Variants in GMPR observed in about 807,000 individuals in gnomAD.
GMPR encodes the protein GMP reductase 1.
In GMPR, 31 loss-of-function variants were observed where a neutral mutation model predicts 38.4. The ratio of observed to expected loss-of-function variants is 0.81; its 90% confidence interval spans 0.61 to 1.09. GMPR has a LOEUF of 1.09. Ranked by LOEUF, GMPR falls within the 50% of genes least tolerant of loss-of-function variation. The pLI is 0.00. For missense variants in GMPR, 468 were observed against 453.7 expected, an observed-to-expected ratio of 1.03 and a Z score of -0.29; for synonymous variants, 162 against 173.3, an observed-to-expected ratio of 0.93 and a Z score of 0.51.
At chr6:16,283,771 AAG>A (rs1239365710) in intron 6 of GMPR, among the ~76,000 whole-genome samples, 1 of 152,206 alleles carries the variant, frequency 6.6e-6, no homozygotes, top group African/African-American at 2.4e-5. Flanking sequence ...GAGTGAACAA[AAG>A]AGTGATTTTT....
intron 7 of GMPR, among the ~76,000 whole-genome samples, chr6:16,288,167 C>T (rs1009725514): frequency 2.6e-5 from 4 of 152,250 alleles, no homozygotes; most frequent in African/African-American, 9.6e-5. Context: ...CTTGAGGAGC[C>T]CTTCAGCCCG....
intron 3 of GMPR, among the ~76,000 whole-genome samples, chr6:16,253,495 A>C (rs1330771583): frequency 6.6e-6 from 1 of 152,132 alleles, no homozygotes; most frequent in Non-Finnish European, 1.5e-5. Flanking sequence ...GAGGTCACAC[A>C]CTTTTAATGA....
Position 16,295,012 on chromosome 6 carries a change from T to A in GMPR, c.864T>A (p.Ser288=). Residue 288 remains serine, a synonymous_variant, in exon 9 of 9, where the codon TCT becomes TCA. Coordinates refer to ENST00000259727, the MANE Select transcript of GMPR (RefSeq NM_006877.4). ...HAGGVAEYRA[S]EGKTVEVPYK... is the part of the protein sequence containing the mutation. Reference sequence around the variant, plus strand: ...AACTTCTATCGTCTTCCAGAGCCTCTGAGGGTAAGACTGTGGAAGTTCCTT... The same window carrying A: ...AACTTCTATCGTCTTCCAGAGCCTCAGAGGGTAAGACTGTGGAAGTTCCTT... 4.4e-6 allele frequency: 7 copies of A among 1,607,308 alleles called. No individual in the cohort carries two copies. The highest frequency in any genetic ancestry group is 5.9e-6 in the Non-Finnish European group (7 of 1,176,624).
Position 16,287,805 on chromosome 6 carries a change from C to T in GMPR, c.697+1970C>T, listed in dbSNP as rs139888714. On this transcript the variant is annotated intron_variant, in intron 7 of 8. Coordinates refer to ENST00000259727, the MANE Select transcript of GMPR (RefSeq NM_006877.4). ...AGGTTGCTGCCACTTAGGAAGGTTG[C>T]GTTGTGCTTTGCTTCCCTGAGTGCT... 3.6e-3 allele frequency among the ~76,000 whole-genome samples: 551 copies of T among 152,284 alleles called. 7 individuals carry two copies. Among genetic ancestry groups the T allele is most frequent in the South Asian group, 7.2e-3 (35 of 4,830 alleles).
chr6:16,246,854 C>T lies in GMPR; in HGVS notation c.100C>T (p.Arg34Cys), dbSNP rs150485998. The T allele has an allele frequency of 5.0e-5, 81 of 1,612,586 alleles. No homozygotes were observed. In the African/African-American group the frequency reaches 6.8e-4, roughly 14 times the overall value. The change falls in exon 2 of 9, where the codon CGC (arginine) becomes TGC (cysteine). Residue 34 changes from arginine to cysteine, a missense_variant. Arg to Cys is a radical substitution (Grantham distance 180). Transcript: ENST00000259727. Reference protein sequence around the residue: ...LKSRAEVDLERTFTFRNSKQT... With the variant: ...LKSRAEVDLECTFTFRNSKQT... Reference sequence around the variant, plus strand: ...TTTTGGCCAACAGGTGGATCTTGAACGCACCTTCACGTTTCGAAATTCAAA... The same window carrying T: ...TTTTGGCCAACAGGTGGATCTTGAATGCACCTTCACGTTTCGAAATTCAAA...
At chr6:16,266,261 C>T (rs1368028582) in intron 4 of GMPR, among the ~76,000 whole-genome samples, 1 of 151,840 alleles carries the variant, frequency 6.6e-6, no homozygotes, top group Non-Finnish European at 1.5e-5. Context: ...GTAACACTCA[C>T]TGCGAAGGTC....
intron 4 of GMPR, chr6:16,264,429 A>G (rs565990835): frequency 2.5e-4 from 51 of 204,158 alleles, no homozygotes; most frequent in Admixed American, 6.2e-4. Flanking sequence ...GCAGGAGGAC[A>G]GGGGATTGAT....
intron 7 of GMPR, among the ~76,000 whole-genome samples, chr6:16,287,447 G>C (rs953230072): frequency 5.3e-5 from 8 of 152,186 alleles, no homozygotes; most frequent in African/African-American, 1.9e-4. Context: ...AGTCTCCTTT[G>C]GGTGCCATTC....
rs1260062798 is a variant in GMPR, at chr6:16,279,112, A to G, written c.654+222A>G. ...AGCCATACAAGCAGGTGGGTGGTCC[A>G]TCTGATGAGGGATGTGCAGGCAGCT... is the stretch of plus-strand genomic sequence containing the variant. On this transcript the variant is annotated intron_variant, in intron 6 of 8. Coordinates refer to ENST00000259727, the MANE Select transcript of GMPR (RefSeq NM_006877.4). Among the ~76,000 whole-genome samples, 4 of 152,242 alleles carry G rather than the reference A, an allele frequency of 2.6e-5. No homozygotes were observed. The South Asian group carries it at 6.2e-4, about 24-fold the overall frequency.
chr6:16,274,533 G>A lies in GMPR; in HGVS notation c.547+37G>A, dbSNP rs372847384. 8.7e-5 allele frequency: 101 copies of A among 1,166,676 alleles called. No homozygotes were observed. The African/African-American group carries it at 1.4e-3, about 17-fold the overall frequency. 72.3% of individuals were successfully genotyped at this position (1,166,676 alleles called of 1,614,324 possible). On this transcript the variant is annotated intron_variant, in intron 5 of 8. Coordinates refer to ENST00000259727, the MANE Select transcript of GMPR (RefSeq NM_006877.4). ...TAGGAGCACAGCAGAGGACGTGTGT[G>A]GGGAAGAATGGGATCTGGGGCTTGC...
chr6:16,241,295 A>G (rs920013807), intron 1 of GMPR, among the ~76,000 whole-genome samples: 1 of 152,166 alleles, frequency 6.6e-6, no homozygotes, highest in African/African-American at 2.4e-5. Context: ...CAGTTTTGCT[A>G]AGAGCCAGGC....
At chr6:16,239,346 G>A (rs1758600461) in intron 1 of GMPR, among the ~76,000 whole-genome samples, 1 of 152,210 alleles carries the variant, frequency 6.6e-6, no homozygotes, top group African/African-American at 2.4e-5. Flanking sequence ...GACAGCCCGC[G>A]GTCCCAGCCT....
At chr6:16,285,232 T>C (rs1241581834) in intron 6 of GMPR, among the ~76,000 whole-genome samples, 1 of 152,066 alleles carries the variant, frequency 6.6e-6, no homozygotes, top group Admixed American at 6.5e-5. Context: ...AAAACAGATG[T>C]TTGATTTTAA....
chr6:16,248,285 G>A (rs916273658), intron 2 of GMPR, among the ~76,000 whole-genome samples: 8 of 139,046 alleles, frequency 5.8e-5, no homozygotes, highest in African/African-American at 2.1e-4. Flanking sequence ...AATCTGAGAA[G>A]TACTGTTTGT....
intron 7 of GMPR, among the ~76,000 whole-genome samples, chr6:16,288,125 C>T (rs1759726278): frequency 6.6e-6 from 1 of 152,256 alleles, no homozygotes; most frequent in African/African-American, 2.4e-5. Flanking sequence ...GCTGTCCACG[C>T]CTCCTCTGCC....
intron 7 of GMPR, chr6:16,289,847 AATTTTTTT>A (rs1759800233): frequency 1.1e-5 from 1 of 90,124 alleles, no homozygotes; most frequent in Non-Finnish European, 2.1e-5. Flanking sequence ...GATACTGCCC[AATTTTTTT>A]TTTTTTTTTT....
chr6:16,250,242 T>C (rs763828467), intron 2 of GMPR, 42 bp from the exon 3 acceptor site: 24 of 1,058,618 alleles, frequency 2.3e-5, no homozygotes, highest in Non-Finnish European at 3.3e-5. Flanking sequence ...AGGGGGGCTC[T>C]CACTTGGCTT....
chr6:16,261,962 G>T (rs1225969248), intron 4 of GMPR, among the ~76,000 whole-genome samples: 1 of 151,872 alleles, frequency 6.6e-6, no homozygotes, highest in Non-Finnish European at 1.5e-5. Context: ...AAGTGTCTCG[G>T]CCTAATAAGG....
chr6:16,239,292 T>C (rs887350034), intron 1 of GMPR, among the ~76,000 whole-genome samples: 2 of 152,166 alleles, frequency 1.3e-5, no homozygotes, highest in Non-Finnish European at 1.5e-5. Flanking sequence ...TTTCTGAGTT[T>C]GGCGGCCTTG....
Sources: allele counts gnomAD v4.1 joint callset (sites outside exome capture counted in the v4.1 genomes callset), GRCh38; gene constraint gnomAD v4.1.1; transcripts MANE v1.5; gene names NCBI Gene and HGNC (gene_info 2026-07-23, HGNC 2026-07-21).